NAT8L: variants seen among roughly 807,000 people sequenced by gnomAD.
NAT8L encodes the protein aspartate N-acetyltransferase.
In NAT8L, 6 loss-of-function variants were observed where a neutral mutation model predicts 21.2. That is an observed-to-expected ratio of 0.28 (90% CI 0.16 to 0.56). The LOEUF (loss-of-function observed/expected upper bound fraction) is 0.56. Among genes scored for constraint, NAT8L ranks in the 20% least tolerant of loss-of-function variants. NAT8L has a pLI of 0.93. For missense variants in NAT8L, 331 were observed against 433.3 expected, an observed-to-expected ratio of 0.76 and a Z score of 2.10; for synonymous variants, 239 against 204.9, an observed-to-expected ratio of 1.17 and a Z score of -1.42.
chr4:2,061,679 A>G (rs1375798172), intron 2 of NAT8L, among the ~76,000 whole-genome samples: 1 of 150,996 alleles, frequency 6.6e-6, no homozygotes, highest in Non-Finnish European at 1.5e-5. Context: ...GTGGCCTTCT[A>G]TAGCTGGAGG....
In NAT8L at chr4:2,064,143, C is replaced by T. The variant is rs761606529; in HGVS notation, c.*16C>T. ...CGAGGAGTGACCGCCGCCGCTCGCC[C>T]GCCCGCCCCCCCGGCCGCCCTGTCC... On this transcript the variant is annotated 3_prime_UTR_variant, in exon 3 of 3. Transcript: ENST00000423729. 22 of 1,515,958 alleles carry T rather than the reference C, an allele frequency of 1.5e-5. 1 individual carries two copies. Among genetic ancestry groups the T allele is most frequent in the East Asian group, 5.0e-5 (2 of 40,074 alleles). The allele number at this position is 1,515,958 out of a possible 1,614,324, so 93.9% of individuals were successfully genotyped here.
At chr4:2,061,775 T>C (rs375117) in intron 2 of NAT8L, among the ~76,000 whole-genome samples, 2 of 152,130 alleles carry the variant, frequency 1.3e-5, no homozygotes, top group Non-Finnish European at 2.9e-5. Context: ...GGTTCCCCCA[T>C]GCCGGATGCC....
Position 2,059,586 on chromosome 4 carries a change from G to A in NAT8L, c.75G>A (p.Gly25=). Residue 25 remains glycine (G), a synonymous_variant, in exon 1 of 3, where the codon GGG becomes GGA. Transcript: ENST00000423729. This position sits in a 1 kb window ranked among gnomAD's most constrained non-coding sequence, Gnocchi z 4.8. Reference sequence around the variant, plus strand: ...CCGAGGACCATGAGGCGCTGCCGGGGGCCAAGAAGGACGCGCTGCTCGCCG... The same window carrying A: ...CCGAGGACCATGAGGCGCTGCCGGGAGCCAAGAAGGACGCGCTGCTCGCCG... ...VAAEDHEALP[G]AKKDALLAAA... is the part of the protein sequence containing the mutation. 4.1e-6 allele frequency: 4 copies of A among 986,006 alleles called. No individual in the cohort carries two copies. Among genetic ancestry groups the A allele is most frequent in the Non-Finnish European group, 4.8e-6 (4 of 830,748 alleles). The allele number at this position is 986,006 out of a possible 1,614,324, so 61.1% of individuals were successfully genotyped here.
chr4:2,061,177 C>A lies in NAT8L; in HGVS notation c.541+15C>A, dbSNP rs781706899. On this transcript the variant is annotated intron_variant, in intron 2 of 2. Transcript: ENST00000423729. The stretch of plus-strand genomic sequence containing the variant: ...GAAGCCGCCCGGTGAGTCCCGCTCC[C>A]GCCGCTCCCCGACCTCCGCCCCAGA... 1 of 1,610,056 alleles carries A rather than the reference C, an allele frequency of 6.2e-7. No homozygotes were observed. Among genetic ancestry groups the A allele is most frequent in the African/African-American group, 1.3e-5 (1 of 74,834 alleles).
At chr4:2,061,634 G>A (rs1451448344) in intron 2 of NAT8L, among the ~76,000 whole-genome samples, 1 of 152,180 alleles carries the variant, frequency 6.6e-6, no homozygotes, top group African/African-American at 2.4e-5. Context: ...CCTGATCGCT[G>A]GGCCGCTTAG....
At position 2,064,259 on chromosome 4, in the gene NAT8L, G is replaced by A. The variant is rs981171868; in HGVS notation, c.*132G>A. 4.1e-5 allele frequency: 23 copies of A among 567,170 alleles called. 1 individual carries two copies. The South Asian group carries it at 1.3e-3, about 32-fold the overall frequency. The allele number at this position is 567,170 out of a possible 1,614,324, so 35.1% of individuals were successfully genotyped here. A position where few individuals can be genotyped will look rare whatever the true frequency, so the allele number is the denominator to read the frequency against. ...GGGTTTCCCCTTTTCAACATCCTGC[G>A]GTTGTCTGGCTGGTTCCGGGGGGTG... On this transcript the variant is annotated 3_prime_UTR_variant, in exon 3 of 3. Coordinates refer to ENST00000423729, the MANE Select transcript of NAT8L (RefSeq NM_178557.4).
chr4:2,060,625 TCCTCCCC>T lies in NAT8L; in HGVS notation c.377-357_377-351del, dbSNP rs545878038. On this transcript the variant is annotated intron_variant, in intron 1 of 2. Transcript: ENST00000423729. This position sits in a 1 kb window ranked among gnomAD's most constrained non-coding sequence, Gnocchi z 4.7. ...CTGGAACGTGGGACACCCCCCTTCC[TCCTCCCC>T]CCTCCCCCCTCCCCCGCGCGGGGCC... Among the ~76,000 whole-genome samples, 29 of 146,836 alleles carry T rather than the reference TCCTCCCC, an allele frequency of 2.0e-4. No homozygotes were observed. The Middle Eastern group carries it at 0.01, about 52-fold the overall frequency.
intron 2 of NAT8L, 114 bp downstream of exon 2, chr4:2,061,276 C>G (rs1202606711): frequency 6.6e-7 from 1 of 1,520,040 alleles, no homozygotes; most frequent in Non-Finnish European, 8.8e-7. Context: ...GGGCCTGAGC[C>G]GGGGCCCCTG....
In NAT8L at chr4:2,066,224, A is replaced by T. The variant is rs939002016; in HGVS notation, c.*2097A>T. 7 of 152,120 alleles carry T rather than the reference A, an allele frequency of 4.6e-5. No homozygotes were observed. Among genetic ancestry groups the T allele is most frequent in the Non-Finnish European group, 7.4e-5 (5 of 68,022 alleles). The allele number at this position is 152,120 out of a possible 1,614,324, so 9.4% of individuals were successfully genotyped here. A position where few individuals can be genotyped will look rare whatever the true frequency, so the allele number is the denominator to read the frequency against. ...AGATCCCCCTCCTGGGGGTTCTGAG[A>T]GTCCTGGGCAGTGTGGCCTTCTCTC... is the stretch of plus-strand genomic sequence containing the variant. On this transcript the variant is annotated 3_prime_UTR_variant, in exon 3 of 3. Coordinates refer to ENST00000423729, the MANE Select transcript of NAT8L (RefSeq NM_178557.4).
intron 2 of NAT8L, among the ~76,000 whole-genome samples, chr4:2,063,000 C>G (rs949432585): frequency 6.6e-6 from 1 of 152,344 alleles, no homozygotes; most frequent in African/African-American, 2.4e-5. Flanking sequence ...CCTCCCCTGC[C>G]GGTTCCCCTC....
chr4:2,061,803 G>A (rs1398789185), intron 2 of NAT8L, among the ~76,000 whole-genome samples: 4 of 152,156 alleles, frequency 2.6e-5, no homozygotes, highest in Admixed American at 2.0e-4. Context: ...TGAAGACTCT[G>A]CTCTCTGGGG....
chr4:2,064,282 G>T lies in NAT8L; in HGVS notation c.*155G>T, dbSNP rs914299344. The T allele has an allele frequency of 1.3e-5, 5 of 394,676 alleles. No homozygotes were observed. Among genetic ancestry groups the T allele is most frequent in the Non-Finnish European group, 1.5e-5 (4 of 260,524 alleles). The allele number at this position is 394,676 out of a possible 1,614,324, so 24.4% of individuals were successfully genotyped here. A position where few individuals can be genotyped will look rare whatever the true frequency, so the allele number is the denominator to read the frequency against. On this transcript the variant is annotated 3_prime_UTR_variant, in exon 3 of 3. Transcript: ENST00000423729. ...GCGGTTGTCTGGCTGGTTCCGGGGG[G>T]TGCGGGGCTGTTGTTCTTCGGCGAC...
Position 2,060,970 on chromosome 4 carries a change from G to A in NAT8L, c.377-28G>A, listed in dbSNP as rs78324689. ...TCTGGGGCCTGGGGACCCCCGCCGC[G>A]CCGCTGACCCGCGCCCTCTGCCCCC... On this transcript the variant is annotated intron_variant, in intron 1 of 2. Transcript: ENST00000423729. This position sits in a 1 kb window ranked among gnomAD's most constrained non-coding sequence, Gnocchi z 4.7. 4,170 of 1,374,152 alleles carry A rather than the reference G, an allele frequency of 3.0e-3. 120 individuals are homozygous for A. The African/African-American group carries it at 0.055, about 18-fold the overall frequency. 85.1% of individuals were successfully genotyped at this position (1,374,152 alleles called of 1,614,324 possible).
Position 2,063,647 on chromosome 4 carries a change from G to T in NAT8L, c.542-113G>T. 2.5e-6 allele frequency: 4 copies of T among 1,583,420 alleles called. No homozygotes were observed. In the South Asian group the frequency reaches 3.3e-5, roughly 13 times the overall value. ...CCGGGATTGGGTGTCCCACTGCCCT[G>T]GCTTGGTGTCCAGCTGGAGGGGGCA... On this transcript the variant is annotated intron_variant, in intron 2 of 2. Coordinates refer to ENST00000423729, the MANE Select transcript of NAT8L (RefSeq NM_178557.4).
rs1291216067 is a variant in NAT8L at position 2,060,096 on chromosome 4, G to A, written c.376+209G>A. On this transcript the variant is annotated intron_variant, in intron 1 of 2. Coordinates refer to ENST00000423729, the MANE Select transcript of NAT8L (RefSeq NM_178557.4). The surrounding 1 kb of genome is among the most constrained non-coding windows in gnomAD (Gnocchi z 4.7). ...GCGGGCCGGAGCCGGGGAGGGTCCG[G>A]GGTCCGCACCTGCGTCCCCGCCGCG... Among the ~76,000 whole-genome samples, 1 of 151,826 alleles carries A rather than the reference G, an allele frequency of 6.6e-6. No homozygotes were observed. Among genetic ancestry groups the A allele is most frequent in the Non-Finnish European group, 1.5e-5 (1 of 67,876 alleles).
chr4:2,064,144 G>GCCCGCCCC lies in NAT8L; in HGVS notation c.*22_*29dup. 10 of 1,460,516 alleles carry GCCCGCCCC rather than the reference G, an allele frequency of 6.8e-6. No individual in the cohort carries two copies. Among genetic ancestry groups the GCCCGCCCC allele is most frequent in the South Asian group, 1.2e-5 (1 of 81,262 alleles). 90.5% of individuals were successfully genotyped at this position (1,460,516 alleles called of 1,614,324 possible). A position where few individuals can be genotyped will look rare whatever the true frequency, so the allele number is the denominator to read the frequency against. On this transcript the variant is annotated 3_prime_UTR_variant, in exon 3 of 3. Coordinates refer to ENST00000423729, the MANE Select transcript of NAT8L (RefSeq NM_178557.4). ...GAGGAGTGACCGCCGCCGCTCGCCCGCCCGCCCCCCCGGCCGCCCTGTCCG... is the reference window on the plus strand; with the variant it reads ...GAGGAGTGACCGCCGCCGCTCGCCCGCCCGCCCCCCCGCCCCCCCGGCCGCCCTGTCCG...
At chr4:2,061,709 G>A (rs185832742) in intron 2 of NAT8L, among the ~76,000 whole-genome samples, 6 of 151,374 alleles carry the variant, frequency 4.0e-5, no homozygotes, top group Admixed American at 3.3e-4. Flanking sequence ...TGGGCTCTAG[G>A]GGGGGTGGGG....
Position 2,066,286 on chromosome 4 carries a change from C to T in NAT8L, c.*2159C>T, listed in dbSNP as rs1729997613. ...ATCTGCGCCCGTGAGTGACCTCTTCCTTGGCTGCACTGCCCTGTGGGTGGT... is the reference window on the plus strand; with the variant it reads ...ATCTGCGCCCGTGAGTGACCTCTTCTTTGGCTGCACTGCCCTGTGGGTGGT... On this transcript the variant is annotated 3_prime_UTR_variant, in exon 3 of 3. Coordinates refer to ENST00000423729, the MANE Select transcript of NAT8L (RefSeq NM_178557.4). The T allele has an allele frequency of 6.6e-6, 1 of 152,308 alleles. No homozygotes were observed. The highest frequency in any genetic ancestry group is 2.4e-5 in the African/African-American group (1 of 41,450). The allele number at this position is 152,308 out of a possible 1,614,324, so 9.4% of individuals were successfully genotyped here. A position where few individuals can be genotyped will look rare whatever the true frequency, so the allele number is the denominator to read the frequency against.
chr4:2,064,189 C>T lies in NAT8L; in HGVS notation c.*62C>T, dbSNP rs1403822569. 11 of 1,133,734 alleles carry T rather than the reference C, an allele frequency of 9.7e-6. No individual in the cohort carries two copies. Among genetic ancestry groups the T allele is most frequent in the South Asian group, 3.0e-5 (1 of 33,222 alleles). 70.2% of individuals were successfully genotyped at this position (1,133,734 alleles called of 1,614,324 possible). ...TGTCCGCCTTTGCCCGCCTGCCCGC[C>T]GCCCGGCGCGGCCTGCTTTCAGACG... On this transcript the variant is annotated 3_prime_UTR_variant, in exon 3 of 3. Transcript: ENST00000423729.
Sources: gnomAD v4.1 joint callset for allele counts (sites outside exome capture counted in the v4.1 genomes callset) on GRCh38, gnomAD v4.1.1 for gene constraint, Gnocchi (gnomAD v3.1) non-coding constraint, MANE v1.5 for transcripts, NCBI Gene and HGNC (gene_info 2026-07-23, HGNC 2026-07-21) for gene names.